The following C1GALT1 variants were observed in gnomAD, a reference collection of about 807,000 sequenced individuals.
C1GALT1 encodes core 1 synthase, glycoprotein-N-acetylgalactosamine 3-beta-galactosyltransferase 1.
A neutral mutation model predicts 31.0 loss-of-function variants in C1GALT1; 11 were observed. The observed-to-expected ratio is 0.36, with a 90% CI of 0.22 to 0.59. C1GALT1 has a LOEUF of 0.59. C1GALT1 is among the 20% of genes least tolerant of loss of function. The pLI, the probability that C1GALT1 is intolerant of heterozygous loss-of-function variation, is 0.79. For missense variants in C1GALT1, 424 were observed against 425.2 expected, an observed-to-expected ratio of 1.00 and a Z score of 0.03; for synonymous variants, 175 against 143.6, an observed-to-expected ratio of 1.22 and a Z score of -1.56.
At chr7:7,204,097 G>GTTTTTTTTTTTTTTTTT (rs74853892) in intron 1 of C1GALT1, among the ~76,000 whole-genome samples, 1 of 129,656 alleles carries the variant, frequency 7.7e-6, no homozygotes, top group Non-Finnish European at 1.6e-5. Context: ...CTCCTCTTCT[G>GTTTTTTTTTTTTTTTTT]TTTTTTTTTT....
At chr7:7,157,916 G>A (rs2128226055) in intron 2 of C1GALT1, among the ~76,000 whole-genome samples, 1 of 152,176 alleles carries the variant, frequency 6.6e-6, no homozygotes, top group Non-Finnish European at 1.5e-5. Context: ...TTCCTCCCAG[G>A]CATGTTTCAA....
chr7:7,231,926 G>T (rs894296474), intron 1 of C1GALT1, among the ~76,000 whole-genome samples: 17 of 152,334 alleles, frequency 1.1e-4, no homozygotes, highest in Non-Finnish European at 1.9e-4. Flanking sequence ...TTCAGCCGTT[G>T]TAAAGATTGG....
intron 1 of C1GALT1, among the ~76,000 whole-genome samples, chr7:7,196,783 G>A (rs1487886205): frequency 6.6e-6 from 1 of 152,166 alleles, no homozygotes; most frequent in Non-Finnish European, 1.5e-5. Flanking sequence ...GTATCTTATT[G>A]TGGTTTTGAT....
Position 7,243,653 on chromosome 7 carries a change from C to T in C1GALT1, c.1018C>T (p.Pro340Ser), listed in dbSNP as rs374068731. The change falls in exon 4 of 4, where the codon CCT becomes TCT. Residue 340 changes from proline to serine, a missense_variant. Physicochemically the swap from Pro to Ser is moderately conservative, Grantham distance 74. This residue lies in a region of C1GALT1 where 191 missense variants were observed against 188.8 expected (regional missense o/e 1.01). Transcript: ENST00000436587. ...TTTATACAGATATCAACCTACCTTACCTGAACGTATACTAAAGGAAATTAG... is the reference window on the plus strand; with the variant it reads ...TTTATACAGATATCAACCTACCTTATCTGAACGTATACTAAAGGAAATTAG... The part of the protein sequence containing the change: ...GYLYRYQPTL[P>S]ERILKEISQA... The T allele has an allele frequency of 1.9e-6, 3 of 1,610,814 alleles. No homozygotes were observed. Among genetic ancestry groups the T allele is most frequent in the South Asian group, 1.1e-5 (1 of 90,410 alleles).
chr7:7,233,312 G>A (rs151009991), intron 1 of C1GALT1, among the ~76,000 whole-genome samples: 103 of 152,096 alleles, frequency 6.8e-4, no homozygotes, highest in African/African-American at 2.3e-3. Context: ...TGCCCAGGCT[G>A]GAGTTGAGTG....
chr7:7,167,285 A>T (rs1291637879), intron 2 of C1GALT1, among the ~76,000 whole-genome samples: 1 of 152,224 alleles, frequency 6.6e-6, no homozygotes, highest in African/African-American at 2.4e-5. Context: ...CCCGAATGGC[A>T]ATCCAAACTA....
At chr7:7,227,198 G>A (rs925979654) in intron 1 of C1GALT1, among the ~76,000 whole-genome samples, 5 of 152,072 alleles carry the variant, frequency 3.3e-5, no homozygotes, top group African/African-American at 9.6e-5. Context: ...CTTTAAAAAC[G>A]AGATGACTAA....
chr7:7,203,394 C>T (rs910820206), intron 1 of C1GALT1, among the ~76,000 whole-genome samples: 1 of 152,028 alleles, frequency 6.6e-6, no homozygotes, highest in Non-Finnish European at 1.5e-5. Context: ...GTGTTTATAT[C>T]ATGAAAGCAT....
chr7:7,179,134 T>C (rs1780540413), upstream of C1GALT1, among the ~76,000 whole-genome samples: 1 of 152,204 alleles, frequency 6.6e-6, no homozygotes, highest in Admixed American at 6.5e-5. Flanking sequence ...ATAAGTTGCC[T>C]GAGTGACCTT....
chr7:7,190,818 CAT>C (rs1201479275), intron 1 of C1GALT1, among the ~76,000 whole-genome samples: 3 of 152,134 alleles, frequency 2.0e-5, no homozygotes, highest in Non-Finnish European at 4.4e-5. Flanking sequence ...GTTACACCCA[CAT>C]GTTTATTGGT....
chr7:7,243,296 C>A (rs1178341334), intron 3 of C1GALT1, among the ~76,000 whole-genome samples: 1 of 152,094 alleles, frequency 6.6e-6, no homozygotes, highest in Non-Finnish European at 1.5e-5. Context: ...AAAATACTTT[C>A]CACAGTTTCA....
At position 7,238,157 on chromosome 7, in the gene C1GALT1, G is replaced by A. The variant is rs1783452501; in HGVS notation, c.221-98G>A. ...AAATCACTAATAGAGGGATAAATAG[G>A]GACTTTGAAATTAGGACAGTGCTTT... On this transcript the variant is annotated intron_variant, in intron 2 of 3. Coordinates refer to ENST00000436587, the MANE Select transcript of C1GALT1 (RefSeq NM_020156.5). This position sits in a 1 kb window ranked among gnomAD's most constrained non-coding sequence, Gnocchi z 5.2. The A allele has an allele frequency of 1.7e-6, 2 of 1,173,176 alleles. No individual in the cohort carries two copies. The highest frequency in any genetic ancestry group is 2.4e-6 in the Non-Finnish European group (2 of 846,754). 72.7% of individuals were successfully genotyped at this position (1,173,176 alleles called of 1,614,324 possible).
chr7:7,208,118 C>T (rs575610921), intron 1 of C1GALT1, among the ~76,000 whole-genome samples: 118 of 152,150 alleles, frequency 7.8e-4, no homozygotes, highest in African/African-American at 2.6e-3. Context: ...GTTACTCACC[C>T]GATAGTCACT....
intron 1 of C1GALT1, among the ~76,000 whole-genome samples, chr7:7,229,208 T>A (rs893845578): frequency 6.6e-6 from 1 of 152,194 alleles, no homozygotes; most frequent in Non-Finnish European, 1.5e-5. Flanking sequence ...ACTGTCTTTG[T>A]TCTTTTCTGA....
chr7:7,184,440 C>T (rs1286535304), intron 1 of C1GALT1, among the ~76,000 whole-genome samples: 7 of 152,072 alleles, frequency 4.6e-5, no homozygotes, highest in Non-Finnish European at 8.8e-5. Context: ...CTTTTTAAGA[C>T]TAGACTACGT....
At position 7,230,952 on chromosome 7, in the gene C1GALT1, C is replaced by G. The variant is rs188990791; in HGVS notation, c.-17-3351C>G. ...GCCAATATTTATTTGGATTTACTTA[C>G]ATACATACCCTTTTTATGACTCTCC... On this transcript the variant is annotated intron_variant, in intron 1 of 3. Transcript: ENST00000436587. Among the ~76,000 whole-genome samples the G allele has an allele frequency of 3.2e-4, 49 of 152,224 alleles. 1 individual carries two copies. Among genetic ancestry groups the G allele is most frequent in the African/African-American group, 1.1e-3 (46 of 41,560 alleles).
chr7:7,172,677 C>G (rs1329901565), intron 2 of C1GALT1, among the ~76,000 whole-genome samples: 1 of 152,060 alleles, frequency 6.6e-6, no homozygotes, highest in Admixed American at 6.6e-5. Flanking sequence ...TTTAGGTTTA[C>G]AGTGAAATGC....
chr7:7,161,451 A>G (rs1176132232), intron 2 of C1GALT1, among the ~76,000 whole-genome samples: 3 of 152,178 alleles, frequency 2.0e-5, no homozygotes, highest in South Asian at 2.1e-4. Context: ...GTGGCAATAA[A>G]TGAAGTACTT....
At chr7:7,214,107 AC>A (rs894837818) in intron 1 of C1GALT1, among the ~76,000 whole-genome samples, 2 of 152,188 alleles carry the variant, frequency 1.3e-5, no homozygotes, top group Admixed American at 1.3e-4. Context: ...TAGTTATTAC[AC>A]ACCAAAGCTT....
Sources: allele counts gnomAD v4.1 joint callset (sites outside exome capture counted in the v4.1 genomes callset), GRCh38; gene constraint gnomAD v4.1.1; regional missense constraint gnomAD v4.1.1; non-coding constraint Gnocchi (gnomAD v3.1); transcripts MANE v1.5; gene names NCBI Gene and HGNC (gene_info 2026-07-23, HGNC 2026-07-21).